MAPKBP1: variants seen among roughly 807,000 people sequenced by gnomAD.
The protein encoded by MAPKBP1 is mitogen-activated protein kinase binding protein 1, also known as mitogen-activated protein kinase-binding protein 1.
A neutral mutation model predicts 170.5 loss-of-function variants in MAPKBP1; 71 were observed. That is an observed-to-expected ratio of 0.42 (90% CI 0.34 to 0.51). MAPKBP1 has a LOEUF of 0.51. MAPKBP1 is among the 20% of genes least tolerant of loss of function. The pLI is 0.06. For synonymous variants in MAPKBP1, 719 were observed against 757.9 expected, an observed-to-expected ratio of 0.95 and a Z score of 0.84; for missense variants, 1,598 against 1,933.0, an observed-to-expected ratio of 0.83 and a Z score of 3.25.
chr15:41,775,281 T>A lies in MAPKBP1; in HGVS notation c.6T>A (p.Ala2=), dbSNP rs200766282. The A allele has an allele frequency of 6.2e-7, 1 of 1,613,646 alleles. No homozygotes were observed. The highest frequency in any genetic ancestry group is 1.1e-5 in the South Asian group (1 of 91,066). The change falls in exon 2 of 31, where the codon GCT becomes GCA. Residue 2 remains alanine (A), a synonymous_variant. Transcript: ENST00000457542. M[A]VEGSTITSRI... ...CCAAAGGGTTTCTCGTCATAATGGC[T>A]GTGGAAGGGTCAACCATTACCAGCC...
chr15:41,819,547 C>CGGAG, intron 21 of MAPKBP1, 48 bp from the exon 22 acceptor site: 7 of 1,228,198 alleles, frequency 5.7e-6, no homozygotes, highest in South Asian at 1.4e-5. Context: ...GGTTGGGTGG[C>CGGAG]GGGGGGGGGG....
At position 41,819,391 on chromosome 15, in the gene MAPKBP1, T is replaced by C; in HGVS notation, c.2425+12T>C. ...CAAGAAGGCACTGGGTCTGTGGCAGTTGGGTGTGGGGGCAGACAGGCCCTA... is the reference window on the plus strand; with the variant it reads ...CAAGAAGGCACTGGGTCTGTGGCAGCTGGGTGTGGGGGCAGACAGGCCCTA... On this transcript the variant is annotated intron_variant, in intron 21 of 30. Transcript: ENST00000457542. 1 of 1,613,398 alleles carries C rather than the reference T, an allele frequency of 6.2e-7. No homozygotes were observed. Among genetic ancestry groups the C allele is most frequent in the Non-Finnish European group, 8.5e-7 (1 of 1,179,722 alleles).
At position 41,794,284 on chromosome 15, in the gene MAPKBP1, C is replaced by T. The variant is rs1215636327; in HGVS notation, c.115-5539C>T. Among the ~76,000 whole-genome samples, 3 of 152,284 alleles carry T rather than the reference C, an allele frequency of 2.0e-5. No homozygotes were observed. The East Asian group carries it at 5.8e-4, about 29-fold the overall frequency. The stretch of plus-strand genomic sequence containing the variant: ...TTGAGTTCTTCATACTCTTTCCCTC[C>T]ACATTGCCAGATCAGTGAGTGTCAA... On this transcript the variant is annotated intron_variant, in intron 2 of 30. Transcript: ENST00000457542.
chr15:41,783,139 G>C (rs1186690050), intron 2 of MAPKBP1, among the ~76,000 whole-genome samples: 1 of 152,170 alleles, frequency 6.6e-6, no homozygotes, highest in Non-Finnish European at 1.5e-5. Context: ...CGGATGCCTT[G>C]GTTGTTTTTG....
chr15:41,774,545 G>T lies in MAPKBP1; in HGVS notation c.-175G>T. The T allele has an allele frequency of 2.5e-6, 1 of 398,648 alleles. No individual in the cohort carries two copies. Among genetic ancestry groups the T allele is most frequent in the South Asian group, 1.3e-4 (1 of 7,866 alleles). 24.7% of individuals were successfully genotyped at this position (398,648 alleles called of 1,614,324 possible). On this transcript the variant is annotated 5_prime_UTR_variant, in exon 1 of 31. Coordinates refer to ENST00000457542, the MANE Select transcript of MAPKBP1 (RefSeq NM_014994.3). ...CTACCGCTGCGGCTACCGCGGCGGA[G>T]CTGAAATTGCCGAACGCGATGCCCG...
At chr15:41,810,217 C>G (rs1044527082) in intron 3 of MAPKBP1, among the ~76,000 whole-genome samples, 1 of 152,224 alleles carries the variant, frequency 6.6e-6, no homozygotes, top group African/African-American at 2.4e-5. Flanking sequence ...ATTTCTTCTT[C>G]CCTCCTACAC....
chr15:41,785,358 T>C (rs545351698), intron 2 of MAPKBP1, among the ~76,000 whole-genome samples: 2 of 152,326 alleles, frequency 1.3e-5, no homozygotes, highest in South Asian at 2.1e-4. Flanking sequence ...AGAAATTCTT[T>C]TTGATACTAA....
In MAPKBP1 at chr15:41,817,367, C is replaced by T; in HGVS notation, c.1712-21C>T. 6.2e-7 allele frequency: 1 copy of T among 1,613,514 alleles called. No individual in the cohort carries two copies. The highest frequency in any genetic ancestry group is 8.5e-7 in the Non-Finnish European group (1 of 1,179,466). ...CATGTGGTGAGAACAGTGGGAACAG[C>T]TGGGCTTCCCTCCTTCATAGCCAGT... On this transcript the variant is annotated intron_variant, in intron 14 of 30. Transcript: ENST00000457542. This position sits in a 1 kb window ranked among gnomAD's most constrained non-coding sequence, Gnocchi z 4.2.
At chr15:41,782,187 G>A (rs765352103) in intron 2 of MAPKBP1, among the ~76,000 whole-genome samples, 6 of 150,374 alleles carry the variant, frequency 4.0e-5, no homozygotes, top group Non-Finnish European at 7.4e-5. Flanking sequence ...GTGTGAACTC[G>A]GGATGCGGAG....
At chr15:41,815,908 T>C (rs1326429922) in intron 12 of MAPKBP1, 109 bp downstream of exon 12, 9 of 1,112,660 alleles carry the variant, frequency 8.1e-6, no homozygotes, top group South Asian at 3.3e-5. Flanking sequence ...AAGATACTTA[T>C]TTACAAGGCA....
chr15:41,822,395 G>C lies in MAPKBP1; in HGVS notation c.3202G>C (p.Glu1068Gln). Residue 1068 changes from glutamate (E) to glutamine (Q), a missense_variant, in exon 26 of 31, where the codon GAG (glutamate) becomes CAG (glutamine). By Grantham distance (29) the Glu-to-Gln change is conservative. Around this residue, in one of 6 missense-constraint regions of MAPKBP1, gnomAD observed 942 missense variants for 953.2 expected, o/e 0.99. Coordinates refer to ENST00000457542, the MANE Select transcript of MAPKBP1 (RefSeq NM_014994.3). ...GGAGCAGTTTCTAAAACAGCACTTT[G>C]AGACTCTGGCCAGTGGAGCTGCTCC... ...DQEQFLKQHF[E>Q]TLASGAAPGA... 1.9e-6 allele frequency: 3 copies of C among 1,614,092 alleles called. No individual in the cohort carries two copies. The highest frequency in any genetic ancestry group is 2.5e-6 in the Non-Finnish European group (3 of 1,180,006).
chr15:41,776,851 T>C (rs561442785), intron 2 of MAPKBP1, among the ~76,000 whole-genome samples: 1 of 152,360 alleles, frequency 6.6e-6, no homozygotes, highest in East Asian at 1.9e-4. Flanking sequence ...ATTAATGCAT[T>C]TAACAAGTGT....
rs28837373 is a variant in MAPKBP1, at chr15:41,802,215, T to C, written c.206+2301T>C. 8.3e-3 allele frequency among the ~76,000 whole-genome samples: 1,263 copies of C among 152,332 alleles called. 8 individuals carry two copies. The highest frequency in any genetic ancestry group is 0.011 in the Admixed American group (166 of 15,298). On this transcript the variant is annotated intron_variant, in intron 3 of 30. Transcript: ENST00000457542. Reference sequence around the variant, plus strand: ...TAAGGCACTTACCATGAATGGAGTTTCCAGGACTGGAAGTTGTTCTGGGTG... The same window carrying C: ...TAAGGCACTTACCATGAATGGAGTTCCCAGGACTGGAAGTTGTTCTGGGTG...
At chr15:41,819,552 G>T (rs770938243) in intron 21 of MAPKBP1, 43 bp from the exon 22 acceptor site, 35 of 1,508,796 alleles carry the variant, frequency 2.3e-5, no homozygotes, top group East Asian at 1.6e-4. Flanking sequence ...GGTGGCGGGG[G>T]GGGGGCAGGA....
At chr15:41,789,997 C>G (rs991643575) in intron 2 of MAPKBP1, among the ~76,000 whole-genome samples, 4 of 152,200 alleles carry the variant, frequency 2.6e-5, no homozygotes, top group African/African-American at 9.7e-5. Context: ...GGTCTAAATC[C>G]TGGTTCTTCC....
chr15:41,811,550 G>T lies in MAPKBP1; in HGVS notation c.327+315G>T, dbSNP rs1041440631. ...CCTGCTGGTGAAGGAAGCGTGCTTT[G>T]GAAACCACTGCCTTAACTATTCCTT... On this transcript the variant is annotated intron_variant, in intron 5 of 30. Transcript: ENST00000457542. 24 of 640,928 alleles carry T rather than the reference G, an allele frequency of 3.7e-5. No homozygotes were observed. The African/African-American group carries it at 3.9e-4, about 10-fold the overall frequency. 39.7% of individuals were successfully genotyped at this position (640,928 alleles called of 1,614,324 possible).
chr15:41,825,136 C>T, intron 30 of MAPKBP1, 73 bp from the exon 31 acceptor site: 1 of 1,293,664 alleles, frequency 7.7e-7, no homozygotes, highest in Non-Finnish European at 1.1e-6. Flanking sequence ...CAGGCTGGAC[C>T]CAGGTGGGGC....
chr15:41,819,432 A>C, intron 21 of MAPKBP1, 53 bp downstream of exon 21: 1 of 1,605,252 alleles, frequency 6.2e-7, no homozygotes, highest in African/African-American at 1.3e-5. Context: ...TATAATGGCT[A>C]GATATGGTTT....
At position 41,817,924 on chromosome 15, in the gene MAPKBP1, T is replaced by A; in HGVS notation, c.1905-85T>A. ...GGGGTAGCTCCCAGAGAGTGTAGAC[T>A]GGGAGTGAAAGCTGGCATTTCCATC... is the stretch of plus-strand genomic sequence containing the variant. On this transcript the variant is annotated intron_variant, in intron 16 of 30. Transcript: ENST00000457542. The surrounding 1 kb of genome is among the most constrained non-coding windows in gnomAD (Gnocchi z 4.2). The A allele has an allele frequency of 1.3e-6, 2 of 1,533,602 alleles. No homozygotes were observed. The highest frequency in any genetic ancestry group is 1.8e-6 in the Non-Finnish European group (2 of 1,108,546). 95.0% of individuals were successfully genotyped at this position (1,533,602 alleles called of 1,614,324 possible).
Sources: gnomAD v4.1 joint callset for allele counts (sites outside exome capture counted in the v4.1 genomes callset) on GRCh38, gnomAD v4.1.1 for gene constraint, gnomAD v4.1.1 regional missense constraint, Gnocchi (gnomAD v3.1) non-coding constraint, MANE v1.5 for transcripts, NCBI Gene and HGNC (gene_info 2026-07-23, HGNC 2026-07-21) for gene names.